The following MYL3 variants were observed in gnomAD, a reference collection of about 807,000 sequenced individuals.
MYL3 encodes CMLC1.
MYL3 carries 11 observed loss-of-function variants against 21.3 expected under a neutral mutation model. The observed-to-expected ratio is 0.52, with a 90% CI of 0.32 to 0.85. The LOEUF is 0.85. Ranked by LOEUF, MYL3 falls within the 40% of genes least tolerant of loss-of-function variation. The pLI, the probability that MYL3 is intolerant of heterozygous loss-of-function variation, is 0.03. For synonymous variants in MYL3, 88 were observed against 91.6 expected (o/e 0.96, Z 0.22); for missense variants, 206 against 253.3 (o/e 0.81, Z 1.27).
In MYL3 at chr3:46,860,610, A is replaced by T. The variant is rs1701980259; in HGVS notation, c.307+66T>A. On this transcript the variant is annotated intron_variant, in intron 3 of 6. Transcript: ENST00000292327. This position sits in a 1 kb window ranked among gnomAD's most constrained non-coding sequence, Gnocchi z 4.6. ...ATTCTCGTGCTATCCCGCAGGATGG[A>T]TGGCAGCCCACCCAGCCAGTCTCCC... The T allele has an allele frequency of 2.5e-6, 4 of 1,595,324 alleles. No homozygotes were observed. In the Admixed American group the frequency reaches 5.0e-5, roughly 20 times the overall value.
At chr3:46,862,567 A>AC (rs1702003526) in intron 1 of MYL3, among the ~76,000 whole-genome samples, 1 of 152,184 alleles carries the variant, frequency 6.6e-6, no homozygotes, top group Admixed American at 6.5e-5. Flanking sequence ...CAGGCAGGAC[A>AC]CAGGGTACGT....
At chr3:46,873,133 T>C (rs1247665807) in intron 1 of MYL3, among the ~76,000 whole-genome samples, 4 of 152,154 alleles carry the variant, frequency 2.6e-5, no homozygotes, top group South Asian at 4.1e-4. Flanking sequence ...AGGTCTGAGG[T>C]CTCACTCTGC....
chr3:46,875,511 G>A (rs911112910), intron 1 of MYL3, among the ~76,000 whole-genome samples: 5 of 152,250 alleles, frequency 3.3e-5, no homozygotes, highest in Non-Finnish European at 7.3e-5. Context: ...GCCCTCAGGA[G>A]CCTAGTCTGA....
chr3:46,881,643 C>T (rs1395669530), intron 1 of MYL3, among the ~76,000 whole-genome samples: 1 of 148,002 alleles, frequency 6.8e-6, no homozygotes, highest in East Asian at 2.0e-4. Flanking sequence ...CAGACCTGGG[C>T]GGGGGTCGGG....
At chr3:46,865,793 C>A (rs928245598), upstream of MYL3, among the ~76,000 whole-genome samples, 4 of 152,150 alleles carry the variant, frequency 2.6e-5, no homozygotes, top group Non-Finnish European at 5.9e-5. The surrounding 1 kb of genome is among the most constrained non-coding windows in gnomAD (Gnocchi z 4.3). Flanking sequence ...GGCTTGGGCC[C>A]CTCCTGTCAC....
chr3:46,877,315 C>T (rs1162594006), intron 1 of MYL3, among the ~76,000 whole-genome samples: 1 of 152,180 alleles, frequency 6.6e-6, no homozygotes, highest in Non-Finnish European at 1.5e-5. Flanking sequence ...CAGCCCCCCT[C>T]TGATTTCTCT....
chr3:46,858,387 C>T lies in MYL3; in HGVS notation c.556G>A (p.Glu186Lys). 6.2e-7 allele frequency: 1 copy of T among 1,614,130 alleles called. No individual in the cohort carries two copies. The change falls in exon 5 of 7, where the codon GAA (glutamate) becomes AAA (lysine). Residue 186 changes from glutamate to lysine, a missense_variant. By Grantham distance (56) the Glu-to-Lys change is moderately conservative (BLOSUM62 1). Transcript: ENST00000292327. ...QEDSNGCINY[E>K]AFVKHIMSS ...CCCCTGCCCCTGCTGAGCCCACCTT[C>T]ATAGTTGATGCAGCCATTGGAGTCC...
At chr3:46,858,826 C>A (rs1251634596) in intron 4 of MYL3, among the ~76,000 whole-genome samples, 1 of 152,078 alleles carries the variant, frequency 6.6e-6, no homozygotes, top group Admixed American at 6.5e-5. Context: ...GCCAAGAGAC[C>A]ACCCGCTGCT....
chr3:46,865,103 C>T (rs7633581), upstream of MYL3, among the ~76,000 whole-genome samples: 42,272 of 152,016 alleles, frequency 0.28, 11,376 homozygotes, highest in African/African-American at 0.7. The surrounding 1 kb of genome is among the most constrained non-coding windows in gnomAD (Gnocchi z 4.3). Context: ...CTACCTGGCA[C>T]GCCCTGCTGT....
intron 1 of MYL3, among the ~76,000 whole-genome samples, chr3:46,868,451 C>T (rs529725984): frequency 6.6e-6 from 1 of 152,216 alleles, no homozygotes; most frequent in Non-Finnish European, 1.5e-5. Context: ...GGACCAGATG[C>T]TCCAACCTTG....
At chr3:46,881,456 G>A (rs1280833593) in intron 1 of MYL3, among the ~76,000 whole-genome samples, 1 of 152,198 alleles carries the variant, frequency 6.6e-6, no homozygotes, top group Non-Finnish European at 1.5e-5. Context: ...GGGAACGGGG[G>A]AGGGAGGTGA....
Position 46,874,500 on chromosome 3 carries a change from C to G in MYL3, c.-218+7574G>C, listed in dbSNP as rs761645586. Among the ~76,000 whole-genome samples, 1 of 152,172 alleles carries G rather than the reference C, an allele frequency of 6.6e-6. No individual in the cohort carries two copies. Among genetic ancestry groups the G allele is most frequent in the South Asian group, 2.1e-4 (1 of 4,830 alleles). ...GCAAGGACCCAGTGTCTGAGCTAAC[C>G]CCCTCCCCACCACCTCCTCCTTCCT... On this transcript the variant is annotated intron_variant, in intron 1 of 3. Transcript: ENST00000431168. The surrounding 1 kb of genome is among the most constrained non-coding windows in gnomAD (Gnocchi z 4.1).
At chr3:46,881,404 C>A (rs2106945252) in intron 1 of MYL3, among the ~76,000 whole-genome samples, 1 of 152,314 alleles carries the variant, frequency 6.6e-6, no homozygotes, top group Admixed American at 6.5e-5. Context: ...GGGTCCCAGG[C>A]GGCCCGGTCC....
chr3:46,870,151 G>A (rs142524706), intron 1 of MYL3, among the ~76,000 whole-genome samples: 244 of 152,210 alleles, frequency 1.6e-3, no homozygotes, highest in Middle Eastern at 6.8e-3. Context: ...CTGCAGACAC[G>A]TACGCATGCA....
intron 1 of MYL3, among the ~76,000 whole-genome samples, chr3:46,878,267 G>A (rs2030351123): frequency 6.6e-6 from 1 of 152,240 alleles, no homozygotes; most frequent in African/African-American, 2.4e-5. Context: ...CGAAATGGCT[G>A]TAAAAGTGGC....
intron 1 of MYL3, among the ~76,000 whole-genome samples, chr3:46,869,531 G>A (rs1007151815): frequency 5.3e-5 from 8 of 152,354 alleles, no homozygotes; most frequent in African/African-American, 1.7e-4. Context: ...GCCACACGAG[G>A]TGTGAACATG....
At chr3:46,867,157 C>T (rs534396840), upstream of MYL3, among the ~76,000 whole-genome samples, 1 of 152,048 alleles carries the variant, frequency 6.6e-6, no homozygotes, top group Non-Finnish European at 1.5e-5. Flanking sequence ...CCAAAGACTC[C>T]AAGACCCAGG....
chr3:46,862,592 A>G (rs1404225061), intron 1 of MYL3, among the ~76,000 whole-genome samples: 1 of 152,162 alleles, frequency 6.6e-6, no homozygotes, highest in Non-Finnish European at 1.5e-5. Flanking sequence ...CTATGCAGAT[A>G]CCACAGGTGG....
rs1393838991 is a variant in MYL3, at chr3:46,861,687, G to T, written c.130-700C>A. ...TGAGTGTTTGCTGAAGTCACATTGG[G>T]GCCACCTTGATTGACGTCAATCAAG... On this transcript the variant is annotated intron_variant, in intron 1 of 6. Transcript: ENST00000292327. The surrounding 1 kb of genome is among the most constrained non-coding windows in gnomAD (Gnocchi z 4.2). Among the ~76,000 whole-genome samples, 3 of 152,038 alleles carry T rather than the reference G, an allele frequency of 2.0e-5. No individual in the cohort carries two copies. Among genetic ancestry groups the T allele is most frequent in the Admixed American group, 2.0e-4 (3 of 15,268 alleles).
Sources: gnomAD v4.1 joint callset for allele counts (sites outside exome capture counted in the v4.1 genomes callset) on GRCh38, gnomAD v4.1.1 for gene constraint, Gnocchi (gnomAD v3.1) non-coding constraint, MANE v1.5 for transcripts, NCBI Gene and HGNC (gene_info 2026-07-23, HGNC 2026-07-21) for gene names.